The following SNX19 variants were observed in gnomAD, a reference collection of about 807,000 sequenced individuals.
SNX19 encodes the protein sorting nexin-19.
In SNX19, 60 loss-of-function variants were observed where a neutral mutation model predicts 85.2. That is an observed-to-expected ratio of 0.70 (90% CI 0.57 to 0.87). SNX19 has a LOEUF of 0.87. SNX19 is among the 40% of genes least tolerant of loss of function. SNX19 has a pLI of 0.00. For missense variants in SNX19, 1,201 were observed against 1,217.8 expected (o/e 0.99, Z 0.21); for synonymous variants, 520 against 470.0 (o/e 1.11, Z -1.38).
At chr11:130,912,001 C>T (rs1269607947) in intron 1 of SNX19, among the ~76,000 whole-genome samples, 4 of 151,774 alleles carry the variant, frequency 2.6e-5, no homozygotes, top group Non-Finnish European at 5.9e-5. Context: ...GCTCCCTCTC[C>T]CAGATACTTT....
chr11:130,883,210 G>C (rs1315176431), intron 8 of SNX19, among the ~76,000 whole-genome samples: 1 of 152,138 alleles, frequency 6.6e-6, no homozygotes, highest in Non-Finnish European at 1.5e-5. Flanking sequence ...GGAAATGTTG[G>C]GGAGAGACAT....
intron 2 of SNX19, 141 bp from the exon 3 acceptor site, chr11:130,910,511 A>G: frequency 1.5e-6 from 1 of 663,768 alleles, no homozygotes; most frequent in Non-Finnish European, 2.5e-6. Context: ...TTCCAAATAT[A>G]CATACGATCC....
chr11:130,893,728 C>T (rs1207129247), intron 8 of SNX19: 1 of 688,630 alleles, frequency 1.5e-6, no homozygotes, highest in Admixed American at 2.2e-5. Flanking sequence ...AAAAGGAAAC[C>T]TGGGGGAGAG....
At chr11:130,881,598 T>C (rs1360270717) in intron 8 of SNX19, among the ~76,000 whole-genome samples, 1 of 152,252 alleles carries the variant, frequency 6.6e-6, no homozygotes, top group African/African-American at 2.4e-5. Flanking sequence ...CCCAGCCATA[T>C]CTTCTGGTCC....
In SNX19 at chr11:130,872,591, G is replaced by A. The variant is rs1943071301; in HGVS notation, c.*5831C>T. Among the ~76,000 whole-genome samples the A allele has an allele frequency of 6.6e-6, 1 of 152,090 alleles. No homozygotes were observed. Among genetic ancestry groups the A allele is most frequent in the Admixed American group, 6.5e-5 (1 of 15,268 alleles). On this transcript the variant is annotated 3_prime_UTR_variant, in exon 11 of 11. Transcript: ENST00000265909. ...CTCTCTCATCCTTTATACCATAAAA[G>A]AGTGATGGCAATATGCTAGCTGAAA... is the stretch of plus-strand genomic sequence containing the variant.
intron 10 of SNX19, 89 bp downstream of exon 10, chr11:130,879,535 G>T: frequency 1.8e-6 from 2 of 1,112,962 alleles, no homozygotes; most frequent in Non-Finnish European, 2.7e-6. Flanking sequence ...TCTTTGGAAT[G>T]TGGGCTTTTC....
intron 8 of SNX19, among the ~76,000 whole-genome samples, chr11:130,900,026 T>G (rs1257556830): frequency 4.0e-4 from 61 of 152,234 alleles, no homozygotes; most frequent in Non-Finnish European, 7.1e-4. Context: ...TTTGCTAGTC[T>G]GCATTCACCA....
chr11:130,914,369 G>A lies in SNX19; in HGVS notation c.1571C>T (p.Pro524Leu), dbSNP rs768809794. Residue 524 changes from proline (P) to leucine (L), a missense_variant, in exon 1 of 11, where the codon CCC (proline) becomes CTC (leucine). Transcript: ENST00000265909. ...ATFSFEPLSS[P>L]DGPVIIQNLR... The stretch of plus-strand genomic sequence containing the variant: ...GTTCTGGATGATAACTGGACCATCG[G>A]GACTGCTTAGGGGCTCAAAGCTGAA... 6.2e-7 allele frequency: 1 copy of A among 1,613,884 alleles called. No homozygotes were observed. Among genetic ancestry groups the A allele is most frequent in the Admixed American group, 1.7e-5 (1 of 59,994 alleles).
intron 8 of SNX19, chr11:130,894,613 T>C (rs1051400594): frequency 6.3e-5 from 62 of 984,194 alleles, no homozygotes; most frequent in Admixed American, 1.2e-4. Flanking sequence ...CTGGTGCCCA[T>C]AGAGAGAATT....
At chr11:130,889,753 A>T (rs772551553) in intron 8 of SNX19, among the ~76,000 whole-genome samples, 1 of 152,110 alleles carries the variant, frequency 6.6e-6, no homozygotes. Flanking sequence ...GCTGACAAAC[A>T]CATTCTTTCT....
chr11:130,905,587 A>T, intron 7 of SNX19: 4 of 1,258,636 alleles, frequency 3.2e-6, no homozygotes, highest in Non-Finnish European at 4.2e-6. Flanking sequence ...GCCACGAAAA[A>T]GGCATGAAGG....
Position 130,869,510 on chromosome 11 carries a change from C to T in SNX19, c.*8912G>A, listed in dbSNP as rs997549234. 1.1e-4 allele frequency: 16 copies of T among 152,108 alleles called. No homozygotes were observed. The highest frequency in any genetic ancestry group is 3.4e-4 in the African/African-American group (14 of 41,430). 9.4% of individuals were successfully genotyped at this position (152,108 alleles called of 1,614,324 possible). A position where few individuals can be genotyped will look rare whatever the true frequency, so the allele number is the denominator to read the frequency against. On this transcript the variant is annotated 3_prime_UTR_variant, in exon 11 of 11. Transcript: ENST00000265909. ...GAAGCTTTATTGGGATCTCTAGGGGCTATTTTATATTTTCCAATGTCTGAA... is the reference window on the plus strand; with the variant it reads ...GAAGCTTTATTGGGATCTCTAGGGGTTATTTTATATTTTCCAATGTCTGAA...
In SNX19 at chr11:130,916,244, G is replaced by C. The variant is rs1946576559; in HGVS notation, c.-305C>G. ...GAAGGCCTCTTCGGGGCCTCGGGGC[G>C]GGCGCTGCAAGGCCCTGGGGCCCAC... On this transcript the variant is annotated 5_prime_UTR_variant, in exon 1 of 11. Coordinates refer to ENST00000265909, the MANE Select transcript of SNX19 (RefSeq NM_014758.3). 2.6e-6 allele frequency: 1 copy of C among 384,598 alleles called. No individual in the cohort carries two copies. Among genetic ancestry groups the C allele is most frequent in the Admixed American group, 4.2e-5 (1 of 23,746 alleles). The allele number at this position is 384,598 out of a possible 1,614,324, so 23.8% of individuals were successfully genotyped here. A position where few individuals can be genotyped will look rare whatever the true frequency, so the allele number is the denominator to read the frequency against.
chr11:130,888,752 G>A (rs1299250128), intron 8 of SNX19, among the ~76,000 whole-genome samples: 1 of 152,076 alleles, frequency 6.6e-6, no homozygotes, highest in Non-Finnish European at 1.5e-5. Flanking sequence ...AATGACCTTA[G>A]GTCTTTAATG....
Position 130,915,913 on chromosome 11 carries a change from G to T in SNX19, c.27C>A (p.Phe9Leu). MKTETVPP[F>L]QETPAGSSCH... ...AGCTCGATCCAGCTGGAGTTTCCTG[G>T]AACGGTGGCACTGTTTCTGTCTTCA... The change falls in exon 1 of 11, where the codon TTC becomes TTA. Residue 9 changes from phenylalanine to leucine, a missense_variant. By Grantham distance (22) the Phe-to-Leu change is conservative. Transcript: ENST00000265909. 1 of 1,613,976 alleles carries T rather than the reference G, an allele frequency of 6.2e-7. No individual in the cohort carries two copies. The highest frequency in any genetic ancestry group is 2.2e-5 in the East Asian group (1 of 44,878).
intron 8 of SNX19, among the ~76,000 whole-genome samples, chr11:130,887,700 A>C (rs1444947410): frequency 6.6e-6 from 1 of 152,186 alleles, no homozygotes; most frequent in African/African-American, 2.4e-5. Flanking sequence ...TATTAGGTTA[A>C]ATCTCTTCCA....
chr11:130,871,632 A>G lies in SNX19; in HGVS notation c.*6790T>C, dbSNP rs1245571498. ...CAAGTCACCAAATCCAGTTCAACAC[A>G]GTATAAACAAGCCATTGCTTCTGTC... On this transcript the variant is annotated 3_prime_UTR_variant, in exon 11 of 11. Transcript: ENST00000265909. Among the ~76,000 whole-genome samples, 1 of 152,240 alleles carries G rather than the reference A, an allele frequency of 6.6e-6. No individual in the cohort carries two copies. The highest frequency in any genetic ancestry group is 2.4e-5 in the African/African-American group (1 of 41,462).
rs1318465298 is a variant in SNX19, at chr11:130,880,787, C to T, written c.2593G>A (p.Ala865Thr). ...CAGCGCTGTGGACTTGTTAAATTAG[C>T]TACCTGCACCTCTAGCCACCTGTGG... Reference protein sequence around the residue: ...LVQRWLEVQVANLTSPQRWVQ... With the variant: ...LVQRWLEVQVTNLTSPQRWVQ... The change falls in exon 9 of 11, where the codon GCT (alanine) becomes ACT (threonine). Residue 865 changes from alanine (A) to threonine (T), a missense_variant. By Grantham distance (58) the Ala-to-Thr change is moderately conservative. This residue lies in a region of SNX19 where 285 missense variants were observed against 295.3 expected (regional missense o/e 0.97). Transcript: ENST00000265909. 6.4e-7 allele frequency: 1 copy of T among 1,563,686 alleles called. No individual in the cohort carries two copies. The highest frequency in any genetic ancestry group is 2.3e-5 in the East Asian group (1 of 43,894).
At chr11:130,909,075 G>T (rs1429761386) in intron 4 of SNX19, among the ~76,000 whole-genome samples, 3 of 152,204 alleles carry the variant, frequency 2.0e-5, no homozygotes, top group African/African-American at 7.2e-5. Context: ...AATACAACTT[G>T]TTCTCCAGGA....
Sources: gnomAD v4.1 joint callset for allele counts (sites outside exome capture counted in the v4.1 genomes callset) on GRCh38, gnomAD v4.1.1 for gene constraint, gnomAD v4.1.1 regional missense constraint, MANE v1.5 for transcripts, NCBI Gene and HGNC (gene_info 2026-07-23, HGNC 2026-07-21) for gene names.